The following ALDH1L1 variants were observed in gnomAD, a reference collection of about 807,000 sequenced individuals.
ALDH1L1 encodes the protein aldehyde dehydrogenase 1 family member L1, also known as cytosolic 10-formyltetrahydrofolate dehydrogenase.
ALDH1L1 carries 68 observed loss-of-function variants against 101.1 expected under a neutral mutation model. The observed-to-expected ratio is 0.67, with a 90% CI of 0.55 to 0.82. ALDH1L1 has a LOEUF of 0.82. Ranked by LOEUF, ALDH1L1 falls within the 40% of genes least tolerant of loss-of-function variation. The probability of loss-of-function intolerance (pLI) is 0.00; values close to 1 mark genes in which losing one functional copy is unlikely to be tolerated. For missense variants in ALDH1L1, 1,087 were observed against 1,172.7 expected (o/e 0.93, Z 1.07); for synonymous variants, 486 against 470.8 (o/e 1.03, Z -0.42).
At chr3:126,165,464 T>C (rs995344760) in intron 1 of ALDH1L1, among the ~76,000 whole-genome samples, 3 of 152,188 alleles carry the variant, frequency 2.0e-5, no homozygotes, top group African/African-American at 7.2e-5. Flanking sequence ...ATCCCCTCCT[T>C]TTCAATTTTT....
At chr3:126,162,383 G>A (rs142208790) in intron 1 of ALDH1L1, among the ~76,000 whole-genome samples, 124 of 152,256 alleles carry the variant, frequency 8.1e-4, no homozygotes, top group Non-Finnish European at 1.6e-3. Flanking sequence ...AAATACAGCT[G>A]TCTCATTGGG....
intron 2 of ALDH1L1, 52 bp downstream of exon 2, chr3:126,160,801 T>C (rs1410003525): frequency 6.3e-7 from 1 of 1,596,652 alleles, no homozygotes; most frequent in Non-Finnish European, 8.5e-7. Flanking sequence ...CCCTTCTACC[T>C]GGATGGGCGG....
chr3:126,181,467 C>G (rs2081474127), upstream of ALDH1L1: 1 of 197,426 alleles, frequency 5.1e-6, no homozygotes, highest in South Asian at 1.0e-4. Flanking sequence ...CCTGCCTTTA[C>G]CTCTCTACTT....
At chr3:126,160,076 T>C in intron 2 of ALDH1L1, among the ~76,000 whole-genome samples, 1 of 152,178 alleles carries the variant, frequency 6.6e-6, no homozygotes, top group Non-Finnish European at 1.5e-5. Context: ...TCCTGTCTGC[T>C]GAGGTTCCCA....
At chr3:126,168,798 A>G (rs7646763) in intron 1 of ALDH1L1, among the ~76,000 whole-genome samples, 53,605 of 151,942 alleles carry the variant, frequency 0.35, 9,966 homozygotes, top group Middle Eastern at 0.46. Flanking sequence ...CATATGTTCC[A>G]AAACTGTATG....
chr3:126,150,678 C>A (rs895552536), intron 7 of ALDH1L1, 147 bp from the exon 8 acceptor site: 4 of 962,242 alleles, frequency 4.2e-6, no homozygotes, highest in Non-Finnish European at 5.8e-6. Context: ...CCTCAGCCCT[C>A]CTGAATAGCT....
intron 1 of ALDH1L1, among the ~76,000 whole-genome samples, chr3:126,170,033 T>C (rs997510283): frequency 6.6e-6 from 1 of 152,064 alleles, no homozygotes; most frequent in Admixed American, 6.6e-5. Context: ...AAGCAACCCC[T>C]AACAGTCCAA....
upstream of ALDH1L1, among the ~76,000 whole-genome samples, chr3:126,182,616 T>C (rs2081486824): frequency 6.6e-6 from 1 of 152,106 alleles, no homozygotes. Context: ...GGCTGAGTGT[T>C]AGGGGCCTGC....
At chr3:126,174,055 G>T (rs776698714) in intron 1 of ALDH1L1, among the ~76,000 whole-genome samples, 3 of 152,052 alleles carry the variant, frequency 2.0e-5, no homozygotes, top group Non-Finnish European at 4.4e-5. Context: ...TTTTTTTTGG[G>T]GGGGCGGAGT....
chr3:126,172,856 G>A (rs1479229052), intron 1 of ALDH1L1, among the ~76,000 whole-genome samples: 2 of 151,814 alleles, frequency 1.3e-5, no homozygotes, highest in African/African-American at 2.4e-5. Context: ...GGGAGAGGCA[G>A]GGCAGGACAC....
chr3:126,193,650 C>T (rs752996823), intron 1 of ALDH1L1, among the ~76,000 whole-genome samples: 1 of 152,116 alleles, frequency 6.6e-6, no homozygotes, highest in Non-Finnish European at 1.5e-5. Context: ...CTCCATGAGT[C>T]CATGCTTAAT....
Position 126,158,391 on chromosome 3 carries a change from T to C in ALDH1L1, c.362+14A>G. On this transcript the variant is annotated intron_variant, in intron 3 of 22. Transcript: ENST00000393434. ...TGTATGGGGATGGCCCCCTGTGTTT[T>C]TGCCCCATCTCACCAGTTGATGGCC... 1 of 1,556,970 alleles carries C rather than the reference T, an allele frequency of 6.4e-7. No individual in the cohort carries two copies.
intron 12 of ALDH1L1, among the ~76,000 whole-genome samples, chr3:126,132,422 T>C (rs1248799234): frequency 1.3e-5 from 2 of 152,208 alleles, no homozygotes; most frequent in Admixed American, 6.5e-5. Context: ...TCAGGATGCA[T>C]CTGCAACTCT....
At chr3:126,148,206 T>C (rs573390918) in intron 8 of ALDH1L1, among the ~76,000 whole-genome samples, 3 of 152,190 alleles carry the variant, frequency 2.0e-5, no homozygotes, top group African/African-American at 7.2e-5. Context: ...CACCAAGCCA[T>C]GAAAATGCAG....
intron 17 of ALDH1L1, 118 bp downstream of exon 17, chr3:126,117,887 C>G: frequency 9.8e-7 from 1 of 1,019,714 alleles, no homozygotes; most frequent in Non-Finnish European, 1.5e-6. Context: ...CCAGCAGGGC[C>G]ACGGAAGTGG....
Position 126,118,001 on chromosome 3 carries a change from G to A in ALDH1L1, c.1982+4C>T, listed in dbSNP as rs765684032. 19 of 1,612,210 alleles carry A rather than the reference G, an allele frequency of 1.2e-5. No individual in the cohort carries two copies. The highest frequency in any genetic ancestry group is 1.6e-5 in the Non-Finnish European group (19 of 1,179,232). ...CCTCCTCTGCTCCACCCCCAGCCAC[G>A]CACCTTTTCATGATGTGCTTGCCCA... On this transcript the variant is annotated splice_donor_region_variant and intron_variant, in intron 17 of 22. Transcript: ENST00000393434.
chr3:126,175,439 C>G (rs1158005715), intron 1 of ALDH1L1, among the ~76,000 whole-genome samples: 1 of 152,062 alleles, frequency 6.6e-6, no homozygotes, highest in Non-Finnish European at 1.5e-5. Context: ...CAATATTTCT[C>G]ATAAACATAG....
chr3:126,166,245 C>A (rs937649078), intron 1 of ALDH1L1, among the ~76,000 whole-genome samples: 1 of 152,196 alleles, frequency 6.6e-6, no homozygotes, highest in Non-Finnish European at 1.5e-5. Flanking sequence ...GGGTTAAAGG[C>A]ATTGCTCACG....
chr3:126,129,304 C>T (rs1377270587), intron 14 of ALDH1L1: 1 of 152,316 alleles, frequency 6.6e-6, no homozygotes, highest in Non-Finnish European at 1.5e-5. Flanking sequence ...TGCAAATACT[C>T]CAACATTCAG....
Sources: gnomAD v4.1 joint callset for allele counts (sites outside exome capture counted in the v4.1 genomes callset) on GRCh38, gnomAD v4.1.1 for gene constraint, MANE v1.5 for transcripts, NCBI Gene and HGNC (gene_info 2026-07-23, HGNC 2026-07-21) for gene names.